Variants in NALF1 observed in about 807,000 individuals in gnomAD.
The protein encoded by NALF1 is NALCN channel auxiliary factor 1.
In NALF1, 3 loss-of-function variants were observed where a neutral mutation model predicts 48.4. The ratio of observed to expected loss-of-function variants is 0.06; its 90% CI spans 0.03 to 0.16. The LOEUF (loss-of-function observed/expected upper bound fraction) is 0.16. NALF1 is among the 10% of genes least tolerant of loss of function. The pLI, the probability that NALF1 is intolerant of heterozygous loss-of-function variation, is 1.00. For missense variants in NALF1, 526 were observed against 571.5 expected (o/e 0.92, Z 0.81); for synonymous variants, 262 against 245.7 (o/e 1.07, Z -0.62).
intron 1 of NALF1, among the ~76,000 whole-genome samples, chr13:107,374,587 C>CGT (rs1555296642): frequency 6.6e-6 from 1 of 151,806 alleles, no homozygotes; most frequent in Non-Finnish European, 1.5e-5. Context: ...GACGCTAAGA[C>CGT]TTACCCTTGT....
chr13:107,476,676 C>A (rs988534213), intron 1 of NALF1, among the ~76,000 whole-genome samples: 1 of 151,694 alleles, frequency 6.6e-6, no homozygotes, highest in Non-Finnish European at 1.5e-5. Flanking sequence ...ATAAATACAC[C>A]TCACTTGCAA....
At chr13:107,217,350 A>G (rs74116534) in intron 1 of NALF1, among the ~76,000 whole-genome samples, 4,684 of 151,782 alleles carry the variant, frequency 0.031, 259 homozygotes, top group African/African-American at 0.11. Context: ...CTCCTTCTCC[A>G]TCTTCATTTG....
chr13:107,235,731 T>C (rs1880328356), intron 1 of NALF1, among the ~76,000 whole-genome samples: 1 of 152,208 alleles, frequency 6.6e-6, no homozygotes, highest in African/African-American at 2.4e-5. Flanking sequence ...CTGTCTGTCA[T>C]TTGTTTGCCT....
intron 1 of NALF1, among the ~76,000 whole-genome samples, chr13:107,576,330 G>A (rs1317642465): frequency 6.6e-6 from 1 of 152,096 alleles, no homozygotes; most frequent in African/African-American, 2.4e-5. Flanking sequence ...ACAGTGAAAG[G>A]ATCTTTACCT....
At chr13:107,198,528 A>G (rs973725921) in intron 2 of NALF1, among the ~76,000 whole-genome samples, 2 of 152,204 alleles carry the variant, frequency 1.3e-5, no homozygotes, top group East Asian at 3.8e-4. Flanking sequence ...ATCCTCCAGA[A>G]CTTCTGAAGC....
intron 1 of NALF1, among the ~76,000 whole-genome samples, chr13:107,268,065 C>A (rs1463407653): frequency 1.4e-5 from 2 of 144,368 alleles, no homozygotes; most frequent in African/African-American, 5.2e-5. Flanking sequence ...CGGCTCACTG[C>A]AACCTCCGCT....
chr13:107,599,356 A>G (rs1399588016), intron 1 of NALF1, among the ~76,000 whole-genome samples: 1 of 150,726 alleles, frequency 6.6e-6, no homozygotes, highest in African/African-American at 2.4e-5. Context: ...TGGGAGGCGG[A>G]GCTTGCAGTG....
At chr13:107,304,398 C>T (rs1165701354) in intron 1 of NALF1, among the ~76,000 whole-genome samples, 1 of 152,194 alleles carries the variant, frequency 6.6e-6, no homozygotes, top group Non-Finnish European at 1.5e-5. Flanking sequence ...ACTATACAGA[C>T]AGCATAGTAA....
intron 1 of NALF1, among the ~76,000 whole-genome samples, chr13:107,355,841 G>T (rs1445440633): frequency 1.3e-5 from 2 of 152,118 alleles, no homozygotes; most frequent in Non-Finnish European, 2.9e-5. Flanking sequence ...TAATACACCT[G>T]TGCAGAAAAT....
chr13:107,403,086 C>G (rs1883836216), intron 1 of NALF1, among the ~76,000 whole-genome samples: 1 of 151,124 alleles, frequency 6.6e-6, no homozygotes, highest in African/African-American at 2.4e-5. Flanking sequence ...GTGATTTAGC[C>G]TCTGACTTGA....
chr13:107,345,607 C>G (rs1486622661), intron 1 of NALF1, among the ~76,000 whole-genome samples: 1 of 152,020 alleles, frequency 6.6e-6, no homozygotes, highest in Non-Finnish European at 1.5e-5. Context: ...GATCAAGAAC[C>G]CTTATCTTAC....
At chr13:107,715,567 G>A (rs1418262391) in intron 1 of NALF1, among the ~76,000 whole-genome samples, 1 of 152,186 alleles carries the variant, frequency 6.6e-6, no homozygotes, top group Non-Finnish European at 1.5e-5. Flanking sequence ...TTGTTGAAGA[G>A]GCTATGGCAG....
chr13:107,816,573 G>T (rs1879169971), intron 1 of NALF1, among the ~76,000 whole-genome samples: 1 of 152,116 alleles, frequency 6.6e-6, no homozygotes, highest in Admixed American at 6.5e-5. Context: ...CAACCCATGG[G>T]AATTATGGGA....
intron 1 of NALF1, among the ~76,000 whole-genome samples, chr13:107,851,606 C>G (rs1241312988): frequency 1.3e-5 from 2 of 151,948 alleles, no homozygotes; most frequent in African/African-American, 4.8e-5. Flanking sequence ...AAACGACGAC[C>G]CTTTCTTAAG....
At chr13:107,226,719 T>C (rs1337449939) in intron 1 of NALF1, among the ~76,000 whole-genome samples, 1 of 152,240 alleles carries the variant, frequency 6.6e-6, no homozygotes, top group Non-Finnish European at 1.5e-5. Flanking sequence ...TAACTACTGA[T>C]GCTGGCATAG....
intron 1 of NALF1, among the ~76,000 whole-genome samples, chr13:107,415,000 C>T (rs1884061342): frequency 6.6e-6 from 1 of 152,036 alleles, no homozygotes; most frequent in African/African-American, 2.4e-5. Flanking sequence ...TCAAAATTGC[C>T]ATTGCCTGAT....
At chr13:107,783,551 C>CTG (rs1435456847) in intron 1 of NALF1, among the ~76,000 whole-genome samples, 1 of 152,194 alleles carries the variant, frequency 6.6e-6, no homozygotes, top group East Asian at 1.9e-4. Flanking sequence ...TCCTGTTGAT[C>CTG]TGTGACCTTA....
intron 1 of NALF1, among the ~76,000 whole-genome samples, chr13:107,540,049 T>TGTACACACACACACACACACACACAC (rs1555307598): frequency 1.3e-5 from 2 of 149,416 alleles, no homozygotes; most frequent in African/African-American, 4.9e-5. Flanking sequence ...GCTTCTGATG[T>TGTACACACACACACACACACACACAC]ACACACACAC....
chr13:107,381,860 T>C (rs1427765247), intron 1 of NALF1, among the ~76,000 whole-genome samples: 1 of 152,138 alleles, frequency 6.6e-6, no homozygotes, highest in Non-Finnish European at 1.5e-5. Flanking sequence ...CTCTCTCCCA[T>C]TGCCTCTCTT....
Sources: allele counts gnomAD v4.1 joint callset (sites outside exome capture counted in the v4.1 genomes callset), GRCh38; gene constraint gnomAD v4.1.1; transcripts MANE v1.5; gene names NCBI Gene and HGNC (gene_info 2026-07-23, HGNC 2026-07-21).